CWC27: variants seen among roughly 807,000 people sequenced by gnomAD.
CWC27 encodes the protein CWC27 spliceosome associated cyclophilin.
Under a neutral mutation model 63.6 loss-of-function variants are expected in CWC27, and 47 were observed. The observed-to-expected ratio is 0.74, with a 90% CI of 0.58 to 0.94. The LOEUF (loss-of-function observed/expected upper bound fraction) is 0.94. CWC27 is among the 40% of genes least tolerant of loss of function. The pLI is 0.00. For missense variants in CWC27, 495 were observed against 554.3 expected (o/e 0.89, Z 1.07); for synonymous variants, 175 against 179.8 (o/e 0.97, Z 0.22).
chr5:64,810,689 G>A (rs920667821), intron 10 of CWC27, among the ~76,000 whole-genome samples: 3 of 151,724 alleles, frequency 2.0e-5, no homozygotes, highest in Admixed American at 6.6e-5. Flanking sequence ...ACATTAATTT[G>A]GGGCAATATA....
At chr5:64,860,003 C>G (rs1746358690) in intron 10 of CWC27, among the ~76,000 whole-genome samples, 1 of 152,168 alleles carries the variant, frequency 6.6e-6, no homozygotes, top group Non-Finnish European at 1.5e-5. Flanking sequence ...TATGTTAACT[C>G]TAAACCTTCA....
intron 11 of CWC27, among the ~76,000 whole-genome samples, chr5:64,891,787 T>C (rs1747244506): frequency 6.6e-6 from 1 of 150,926 alleles, no homozygotes; most frequent in Non-Finnish European, 1.5e-5. Flanking sequence ...GTTGTTGTTG[T>C]TGTTGTTGTT....
At chr5:64,980,146 G>A (rs896878042) in intron 13 of CWC27, among the ~76,000 whole-genome samples, 10 of 152,120 alleles carry the variant, frequency 6.6e-5, no homozygotes, top group African/African-American at 2.4e-4. Context: ...GAATTACTAG[G>A]ATTCCTCCTT....
chr5:64,916,783 T>A (rs1009434374), intron 11 of CWC27, among the ~76,000 whole-genome samples: 4 of 152,168 alleles, frequency 2.6e-5, no homozygotes, highest in Non-Finnish European at 5.9e-5. Flanking sequence ...CTCACTTTCT[T>A]CATCTGTAAA....
intron 10 of CWC27, among the ~76,000 whole-genome samples, chr5:64,842,350 C>A (rs1004945289): frequency 1.3e-5 from 2 of 152,114 alleles, no homozygotes; most frequent in Non-Finnish European, 2.9e-5. Context: ...GTCACCCAGG[C>A]TGGAGTGCAG....
At chr5:64,861,468 A>C (rs1323102627) in intron 10 of CWC27, among the ~76,000 whole-genome samples, 1 of 152,122 alleles carries the variant, frequency 6.6e-6, no homozygotes, top group Non-Finnish European at 1.5e-5. Context: ...ACTTATACTT[A>C]TGTGTAAGTG....
intron 10 of CWC27, chr5:64,807,950 C>T (rs1580625506): frequency 1.4e-6 from 2 of 1,424,826 alleles, no homozygotes; most frequent in Non-Finnish European, 1.8e-6. Context: ...CCTACCACTC[C>T]ACTGAAACTA....
intron 1 of CWC27, among the ~76,000 whole-genome samples, chr5:64,770,264 T>C (rs1299899793): frequency 6.6e-6 from 1 of 152,226 alleles, no homozygotes; most frequent in Non-Finnish European, 1.5e-5. Flanking sequence ...TTTGAACTTC[T>C]CCTGGGCATT....
At position 64,877,421 on chromosome 5, in the gene CWC27, TG is replaced by T. The variant is rs531363492; in HGVS notation, c.939-8015del. 4.6e-5 allele frequency among the ~76,000 whole-genome samples: 7 copies of T among 151,944 alleles called. No homozygotes were observed. In the East Asian group the frequency reaches 1.4e-3, roughly 29 times the overall value. ...ACCAGAGGCATCTGGGTTTGTGTGT[TG>T]GGGGGGATGAAGAGAGATTGGGTAA... On this transcript the variant is annotated intron_variant, in intron 10 of 13. Coordinates refer to ENST00000381070, the MANE Select transcript of CWC27 (RefSeq NM_005869.4).
chr5:64,862,564 T>G (rs74843795), intron 10 of CWC27, among the ~76,000 whole-genome samples: 2,106 of 152,282 alleles, frequency 0.014, 57 homozygotes, highest in African/African-American at 0.048. Flanking sequence ...AATTCATATA[T>G]GTAATGAATT....
rs144590856 is a variant in CWC27 at position 64,800,641 on chromosome 5, T to G, written c.749+314T>G. Among the ~76,000 whole-genome samples the G allele has an allele frequency of 1.1e-3, 175 of 152,342 alleles. 3 individuals carry two copies. In the East Asian group the frequency reaches 0.012, roughly 11 times the overall value. On this transcript the variant is annotated intron_variant, in intron 8 of 13. Transcript: ENST00000381070. ...CTTAATTCAAGGTTGTTTTGCTACCTTTTCCTTGAAGCATTTTTGCCTTAA... is the reference window on the plus strand; with the variant it reads ...CTTAATTCAAGGTTGTTTTGCTACCGTTTCCTTGAAGCATTTTTGCCTTAA...
chr5:64,899,539 C>T (rs1747455048), intron 11 of CWC27, among the ~76,000 whole-genome samples: 1 of 152,088 alleles, frequency 6.6e-6, no homozygotes, highest in South Asian at 2.1e-4. Context: ...CACAGATGCA[C>T]ATTTAAATAA....
chr5:64,844,062 A>G (rs149218651), intron 10 of CWC27, among the ~76,000 whole-genome samples: 36 of 152,322 alleles, frequency 2.4e-4, no homozygotes, highest in African/African-American at 8.7e-4. Flanking sequence ...TTAGAAGTGT[A>G]AGAACGGTCT....
At chr5:64,872,882 C>T (rs1181678034) in intron 10 of CWC27, among the ~76,000 whole-genome samples, 1 of 152,116 alleles carries the variant, frequency 6.6e-6, no homozygotes. Flanking sequence ...CCACATTTCC[C>T]TCTGATGGGT....
At chr5:64,916,880 T>C (rs1747897248) in intron 11 of CWC27, among the ~76,000 whole-genome samples, 1 of 129,466 alleles carries the variant, frequency 7.7e-6, no homozygotes, top group African/African-American at 3.5e-5. Context: ...GTGGCAGTAG[T>C]AGTATTAGTA....
intron 11 of CWC27, among the ~76,000 whole-genome samples, chr5:64,941,692 A>C (rs1748483728): frequency 6.6e-6 from 1 of 152,012 alleles, no homozygotes; most frequent in African/African-American, 2.4e-5. Flanking sequence ...TTACACTTTC[A>C]TTTTTTAAAT....
intron 10 of CWC27, among the ~76,000 whole-genome samples, chr5:64,815,737 T>C (rs1465763606): frequency 6.6e-6 from 1 of 152,170 alleles, no homozygotes; most frequent in Non-Finnish European, 1.5e-5. Context: ...CTTCTAGAAG[T>C]ACAAAATTCT....
intron 10 of CWC27, among the ~76,000 whole-genome samples, chr5:64,810,479 T>G (rs1428845204): frequency 6.6e-6 from 1 of 152,154 alleles, no homozygotes; most frequent in Admixed American, 6.6e-5. Context: ...TGTAGATCAC[T>G]CTGGGTAGTA....
chr5:64,978,995 C>G (rs562688104), intron 13 of CWC27, among the ~76,000 whole-genome samples: 94 of 152,266 alleles, frequency 6.2e-4, no homozygotes, highest in African/African-American at 2.0e-3. Flanking sequence ...CTTCCTAGCC[C>G]CTTGGTTCAG....
Sources: allele counts gnomAD v4.1 joint callset (sites outside exome capture counted in the v4.1 genomes callset), GRCh38; gene constraint gnomAD v4.1.1; transcripts MANE v1.5; gene names NCBI Gene and HGNC (gene_info 2026-07-23, HGNC 2026-07-21).